CFAP299: variants seen among roughly 807,000 people sequenced by gnomAD.
The protein encoded by CFAP299 is cilia- and flagella-associated protein 299.
CFAP299 carries 21 observed loss-of-function variants against 27.0 expected under a neutral mutation model. That is an observed-to-expected ratio of 0.78 (90% CI 0.55 to 1.12). The LOEUF (loss-of-function observed/expected upper bound fraction) is 1.12, where lower values mean the gene tolerates loss of function less well. CFAP299 is among the 50% of genes most tolerant of loss of function. The pLI, the probability that CFAP299 is intolerant of heterozygous loss-of-function variation, is 0.00. For synonymous variants in CFAP299, 104 were observed against 98.1 expected, an observed-to-expected ratio of 1.06 and a Z score of -0.36; for missense variants, 310 against 276.6, an observed-to-expected ratio of 1.12 and a Z score of -0.86.
intron 2 of CFAP299, among the ~76,000 whole-genome samples, chr4:80,507,163 T>C (rs1050608919): frequency 1.1e-4 from 16 of 152,148 alleles, no homozygotes; most frequent in African/African-American, 3.9e-4. Flanking sequence ...TTATTTCTTA[T>C]AGTAAGCATG....
intron 2 of CFAP299, among the ~76,000 whole-genome samples, chr4:80,504,835 A>G (rs1731936353): frequency 6.8e-6 from 1 of 147,740 alleles, no homozygotes; most frequent in African/African-American, 2.5e-5. Context: ...TATTATATAT[A>G]TTTTATATAT....
chr4:80,901,716 A>C (rs571231564), intron 4 of CFAP299, among the ~76,000 whole-genome samples: 7 of 152,214 alleles, frequency 4.6e-5, no homozygotes, highest in African/African-American at 1.7e-4. Flanking sequence ...TTTGGCCCCA[A>C]TCACTGCCAG....
At chr4:80,746,456 T>C (rs1724596389) in intron 3 of CFAP299, among the ~76,000 whole-genome samples, 1 of 152,112 alleles carries the variant, frequency 6.6e-6, no homozygotes, top group Non-Finnish European at 1.5e-5. Context: ...ATATGTATTA[T>C]CCTAAGGGAA....
At chr4:80,565,525 G>A (rs889285056) in intron 2 of CFAP299, among the ~76,000 whole-genome samples, 8 of 151,998 alleles carry the variant, frequency 5.3e-5, no homozygotes, top group Admixed American at 3.9e-4. Context: ...CTAAACTTCT[G>A]TAAATCTTAA....
At chr4:80,447,098 T>C (rs190205147) in intron 2 of CFAP299, among the ~76,000 whole-genome samples, 3 of 151,512 alleles carry the variant, frequency 2.0e-5, no homozygotes, top group Non-Finnish European at 4.4e-5. Flanking sequence ...GTTTCTTTGT[T>C]TTTGTTTTTG....
At chr4:80,820,726 A>G (rs952691543) in intron 3 of CFAP299, among the ~76,000 whole-genome samples, 1 of 152,174 alleles carries the variant, frequency 6.6e-6, no homozygotes, top group Non-Finnish European at 1.5e-5. Flanking sequence ...GGACAGAATC[A>G]TTCTCTTTGC....
intron 2 of CFAP299, among the ~76,000 whole-genome samples, chr4:80,537,274 T>C (rs1286659707): frequency 6.6e-6 from 1 of 152,070 alleles, no homozygotes; most frequent in Admixed American, 6.5e-5. Context: ...TCAAAAATAT[T>C]ATAGAGGTTC....
chr4:80,864,127 C>A (rs916701740), intron 3 of CFAP299, among the ~76,000 whole-genome samples: 2 of 151,936 alleles, frequency 1.3e-5, no homozygotes, highest in Non-Finnish European at 2.9e-5. Context: ...TCATTGAAAT[C>A]ACTTAAACTT....
chr4:80,610,763 A>G (rs573345468), intron 3 of CFAP299, among the ~76,000 whole-genome samples: 1 of 152,126 alleles, frequency 6.6e-6, no homozygotes, highest in South Asian at 2.1e-4. Context: ...GATAATAATA[A>G]AGGCTCTTTT....
chr4:80,432,974 C>T (rs1401935846), intron 2 of CFAP299, among the ~76,000 whole-genome samples: 1 of 152,118 alleles, frequency 6.6e-6, no homozygotes, highest in African/African-American at 2.4e-5. Context: ...CTTTACTCAT[C>T]TTATATTCCT....
intron 3 of CFAP299, among the ~76,000 whole-genome samples, chr4:80,756,854 A>T (rs954238718): frequency 6.6e-6 from 1 of 152,184 alleles, no homozygotes; most frequent in Non-Finnish European, 1.5e-5. Flanking sequence ...TAAAGATAAA[A>T]TATTGTACTA....
chr4:80,581,453 G>GATAGATAGAT (rs1212459486), intron 2 of CFAP299, among the ~76,000 whole-genome samples: 3 of 103,018 alleles, frequency 2.9e-5, no homozygotes, highest in African/African-American at 1.9e-4. Context: ...TATTAAGTGA[G>GATAGATAGAT]ATATATATAT....
chr4:80,921,690 A>T (rs1278443665), intron 4 of CFAP299, among the ~76,000 whole-genome samples: 6 of 152,036 alleles, frequency 3.9e-5, no homozygotes, highest in Non-Finnish European at 1.5e-5. Context: ...AATCTGGTTA[A>T]ATCTGTGTGT....
At chr4:80,638,600 A>G (rs951180440) in intron 3 of CFAP299, among the ~76,000 whole-genome samples, 2 of 152,210 alleles carry the variant, frequency 1.3e-5, no homozygotes, top group Non-Finnish European at 2.9e-5. Context: ...ATAAGGATGC[A>G]GCTACAGGTC....
chr4:80,920,979 G>A (rs1279742022), intron 4 of CFAP299, among the ~76,000 whole-genome samples: 3 of 151,920 alleles, frequency 2.0e-5, no homozygotes, highest in East Asian at 3.9e-4. Context: ...CTTTGTAAAC[G>A]AAGAATCATT....
intron 2 of CFAP299, among the ~76,000 whole-genome samples, chr4:80,365,790 T>A (rs1250909484): frequency 6.6e-6 from 1 of 152,230 alleles, no homozygotes; most frequent in African/African-American, 2.4e-5. Flanking sequence ...TATAAGCTAT[T>A]TCATATCAAG....
rs183169968 is a variant in CFAP299 at position 80,551,995 on chromosome 4, C to T, written c.243-31098C>T. On this transcript the variant is annotated intron_variant, in intron 2 of 5. Transcript: ENST00000358105. ...ATCTCTTGACTTCCTGGTATCTGCC[C>T]GCCTTGTCCTCCCAAAGTGCTGGGA... 1.4e-3 allele frequency among the ~76,000 whole-genome samples: 213 copies of T among 152,156 alleles called. 1 individual carries two copies. Among genetic ancestry groups the T allele is most frequent in the African/African-American group, 4.9e-3 (204 of 41,520 alleles).
intron 3 of CFAP299, among the ~76,000 whole-genome samples, chr4:80,632,672 G>A (rs772693889): frequency 2.0e-5 from 3 of 150,998 alleles, no homozygotes; most frequent in South Asian, 2.1e-4. Flanking sequence ...TACATATAAT[G>A]AGAAGGGAAA....
chr4:80,726,847 G>T (rs1723191735), intron 3 of CFAP299, among the ~76,000 whole-genome samples: 1 of 152,090 alleles, frequency 6.6e-6, no homozygotes, highest in Admixed American at 6.6e-5. Flanking sequence ...CAACACCCAT[G>T]AGATATTATA....
Sources: allele counts gnomAD v4.1 joint callset (sites outside exome capture counted in the v4.1 genomes callset), GRCh38; gene constraint gnomAD v4.1.1; transcripts MANE v1.5; gene names NCBI Gene and HGNC (gene_info 2026-07-23, HGNC 2026-07-21).